The following PCDH7 variants were observed in gnomAD, a reference collection of about 807,000 sequenced individuals.
PCDH7 encodes protocadherin-7.
A neutral mutation model predicts 58.9 loss-of-function variants in PCDH7; 17 were observed. That is an observed-to-expected ratio of 0.29 (90% confidence interval 0.20 to 0.43). The LOEUF is 0.43. Among genes scored for constraint, PCDH7 ranks in the 20% least tolerant of loss-of-function variants. PCDH7 has a pLI of 1.00. For synonymous variants in PCDH7, 664 were observed against 616.4 expected, an observed-to-expected ratio of 1.08 and a Z score of -1.14; for missense variants, 1,274 against 1,441.0, an observed-to-expected ratio of 0.88 and a Z score of 1.88.
At chr4:30,756,116 G>A (rs1003519027) in intron 1 of PCDH7, among the ~76,000 whole-genome samples, 8 of 152,030 alleles carry the variant, frequency 5.3e-5, no homozygotes, top group East Asian at 3.9e-4. Context: ...AATATATGGC[G>A]GAGGTCAAAG....
chr4:30,827,275 C>A (rs536749388), intron 1 of PCDH7, among the ~76,000 whole-genome samples: 2 of 152,216 alleles, frequency 1.3e-5, no homozygotes, highest in South Asian at 2.1e-4. Flanking sequence ...ATAGATATTG[C>A]AATTTCCATT....
intron 1 of PCDH7, among the ~76,000 whole-genome samples, chr4:30,887,706 A>C (rs556577109): frequency 6.6e-6 from 1 of 152,278 alleles, no homozygotes; most frequent in East Asian, 1.9e-4. Context: ...AAGGCATGCA[A>C]ATTCAGTTTT....
intron 1 of PCDH7, among the ~76,000 whole-genome samples, chr4:30,843,980 A>G (rs531814545): frequency 6.6e-6 from 1 of 152,370 alleles, no homozygotes; most frequent in East Asian, 1.9e-4. Flanking sequence ...AGCAAATGTC[A>G]TGATCTTGAC....
chr4:30,894,485 A>T, intron 1 of PCDH7, among the ~76,000 whole-genome samples: 2 of 51,436 alleles, frequency 3.9e-5, no homozygotes, highest in African/African-American at 1.5e-4. Context: ...AAAAAAAAAA[A>T]AAAAAATATA....
chr4:30,892,868 A>T (rs965748839), intron 1 of PCDH7, among the ~76,000 whole-genome samples: 9 of 152,082 alleles, frequency 5.9e-5, no homozygotes, highest in African/African-American at 2.2e-4. Flanking sequence ...GATACTCAAC[A>T]GTTGTCAGTT....
chr4:31,001,219 A>T (rs1242534700), intron 3 of PCDH7, among the ~76,000 whole-genome samples: 2 of 152,092 alleles, frequency 1.3e-5, no homozygotes, highest in Non-Finnish European at 2.9e-5. Context: ...AATATTAGGT[A>T]AAGTCATGTA....
intron 3 of PCDH7, among the ~76,000 whole-genome samples, chr4:30,976,484 C>G (rs1280446106): frequency 6.6e-6 from 1 of 150,406 alleles, no homozygotes; most frequent in East Asian, 2.0e-4. Flanking sequence ...CACTGAAACC[C>G]CTGCCTCTGG....
chr4:31,104,537 A>G (rs994283927), intron 3 of PCDH7, among the ~76,000 whole-genome samples: 1 of 152,218 alleles, frequency 6.6e-6, no homozygotes, highest in African/African-American at 2.4e-5. Context: ...CACTTGTCCA[A>G]GAAAATGTTA....
In PCDH7 at chr4:31,121,293, TTATC is replaced by T. The variant is rs1717663471; in HGVS notation, c.*8-21174_*8-21171del. Among the ~76,000 whole-genome samples the T allele has an allele frequency of 2.0e-5, 3 of 152,278 alleles. 1 individual carries two copies. Among genetic ancestry groups the T allele is most frequent in the South Asian group, 4.1e-4 (2 of 4,828 alleles). ...GAGGAGAGGAGGTAGCATATATAAA[TTATC>T]TATCTTTTTAATAACAGAAAATCAT... On this transcript the variant is annotated intron_variant, in intron 3 of 3. Coordinates refer to the PCDH7 transcript ENST00000509759.
At chr4:30,849,750 C>A (rs370713504) in intron 1 of PCDH7, among the ~76,000 whole-genome samples, 2 of 152,094 alleles carry the variant, frequency 1.3e-5, no homozygotes, top group East Asian at 3.9e-4. Flanking sequence ...CCTTCTCAAG[C>A]TTCAAATTCT....
At chr4:30,731,492 A>T (rs1359721551) in exon 2 of PCDH7, 1 of 152,154 alleles carries the variant, frequency 6.6e-6, no homozygotes, top group Non-Finnish European at 1.5e-5. Context: ...TAATCTTGAA[A>T]TAGTGACCAA....
At chr4:30,799,079 A>G (rs1725173337) in intron 1 of PCDH7, among the ~76,000 whole-genome samples, 1 of 152,166 alleles carries the variant, frequency 6.6e-6, no homozygotes, top group Non-Finnish European at 1.5e-5. Flanking sequence ...AGGATCATCA[A>G]TATCGGAGAC....
chr4:30,834,695 G>A (rs1429302389), intron 1 of PCDH7, among the ~76,000 whole-genome samples: 5 of 151,010 alleles, frequency 3.3e-5, no homozygotes, highest in Admixed American at 3.3e-4. Context: ...TCTCTTCCAA[G>A]ACATTTGTGT....
intron 3 of PCDH7, among the ~76,000 whole-genome samples, chr4:31,065,325 A>G (rs1474480422): frequency 1.3e-5 from 2 of 152,034 alleles, no homozygotes. Context: ...GCACTTTAAT[A>G]GCAGTGCTTA....
At chr4:30,800,032 T>A (rs980509637) in intron 1 of PCDH7, among the ~76,000 whole-genome samples, 40 of 151,124 alleles carry the variant, frequency 2.6e-4, no homozygotes, top group African/African-American at 7.6e-4. Flanking sequence ...TTTTTTTTTT[T>A]AATTTTTAGT....
chr4:30,815,560 C>T (rs2109317124), intron 1 of PCDH7, among the ~76,000 whole-genome samples: 1 of 152,288 alleles, frequency 6.6e-6, no homozygotes, highest in East Asian at 1.9e-4. Flanking sequence ...ATGCCTGTGG[C>T]CTGCCAGCTT....
intron 3 of PCDH7, among the ~76,000 whole-genome samples, chr4:31,112,475 T>C (rs1716449560): frequency 6.6e-6 from 1 of 152,208 alleles, no homozygotes; most frequent in Admixed American, 6.5e-5. Context: ...ACCAAAGCTA[T>C]TTTAATCTCT....
Position 30,722,347 on chromosome 4 carries a change from G to A in PCDH7, c.925G>A (p.Glu309Lys), listed in dbSNP as rs549688567. 3.7e-6 allele frequency: 6 copies of A among 1,612,108 alleles called. No individual in the cohort carries two copies. The highest frequency in any genetic ancestry group is 1.1e-5 in the South Asian group (1 of 90,970). The change falls in exon 1 of 2, where the codon GAG becomes AAG. Residue 309 changes from glutamate to lysine, a missense_variant. Glu to Lys is a moderately conservative substitution (Grantham distance 56). Coordinates refer to ENST00000361762, the Ensembl canonical transcript of PCDH7. This position sits in a 1 kb window ranked among gnomAD's most constrained non-coding sequence, Gnocchi z 7.6. ...CGTGAACGACAACAGCCCCCGCTTCGAGAAGAGCGTGTACGAGGCCGACTT... is the reference window on the plus strand; with the variant it reads ...CGTGAACGACAACAGCCCCCGCTTCAAGAAGAGCGTGTACGAGGCCGACTT...
At chr4:30,992,039 T>C (rs566829760) in intron 3 of PCDH7, among the ~76,000 whole-genome samples, 16 of 152,278 alleles carry the variant, frequency 1.1e-4, no homozygotes, top group African/African-American at 3.4e-4. Context: ...ACTAGGTGAA[T>C]GACTTTGGGC....
Sources: allele counts gnomAD v4.1 joint callset (sites outside exome capture counted in the v4.1 genomes callset), GRCh38; gene constraint gnomAD v4.1.1; non-coding constraint Gnocchi (gnomAD v3.1); transcripts MANE v1.5; gene names NCBI Gene and HGNC (gene_info 2026-07-23, HGNC 2026-07-21).